Variants in ONECUT2 observed in about 807,000 individuals in gnomAD.
ONECUT2 encodes the protein one cut homeobox 2, also known as one cut domain family member 2.
Under a neutral mutation model 27.9 loss-of-function variants are expected in ONECUT2, and 10 were observed. That is an observed-to-expected ratio of 0.36 (90% CI 0.22 to 0.61). ONECUT2 has a LOEUF of 0.61. Ranked by LOEUF, ONECUT2 falls within the 20% of genes least tolerant of loss-of-function variation. The pLI, the probability that ONECUT2 is intolerant of heterozygous loss-of-function variation, is 0.73. For missense variants in ONECUT2, 686 were observed against 721.0 expected (o/e 0.95, Z 0.56); for synonymous variants, 334 against 315.1 (o/e 1.06, Z -0.64).
intron 1 of ONECUT2, among the ~76,000 whole-genome samples, chr18:57,444,776 A>G (rs1254993827): frequency 3.3e-5 from 5 of 152,234 alleles, no homozygotes; most frequent in Admixed American, 3.3e-4. Context: ...ACCCTCGTTC[A>G]ATAGATTTAC....
chr18:57,462,321 CAT>C (rs1381134562), intron 1 of ONECUT2, among the ~76,000 whole-genome samples: 2 of 152,238 alleles, frequency 1.3e-5, no homozygotes, highest in Non-Finnish European at 2.9e-5. Flanking sequence ...CTGTGGCAGA[CAT>C]ATGTGTTTAA....
chr18:57,457,866 G>T lies in ONECUT2; in HGVS notation c.1229-18571G>T, dbSNP rs149197790. Among the ~76,000 whole-genome samples, 173 of 152,222 alleles carry T rather than the reference G, an allele frequency of 1.1e-3. 2 individuals carry two copies. Among genetic ancestry groups the T allele is most frequent in the African/African-American group, 4.0e-3 (167 of 41,532 alleles). ...AAACCATCATTCTCAGCCAACTATC[G>T]CAAGGACAGAAAAGCAAACGCTGCA... On this transcript the variant is annotated intron_variant, in intron 1 of 1. Coordinates refer to ENST00000491143, the MANE Select transcript of ONECUT2 (RefSeq NM_004852.3).
intron 1 of ONECUT2, among the ~76,000 whole-genome samples, 156 bp from the exon 2 acceptor site, chr18:57,476,281 G>A (rs1477435564): frequency 2.0e-5 from 3 of 152,166 alleles, no homozygotes; most frequent in African/African-American, 2.4e-5. Context: ...TCCATCACCC[G>A]GAGATTACAG....
chr18:57,439,500 GTTA>G (rs1407746338), intron 1 of ONECUT2, among the ~76,000 whole-genome samples: 1 of 152,252 alleles, frequency 6.6e-6, no homozygotes, highest in African/African-American at 2.4e-5. Context: ...GTGTTGAGTG[GTTA>G]TTATTACATA....
intron 1 of ONECUT2, among the ~76,000 whole-genome samples, chr18:57,465,226 G>A (rs970213552): frequency 6.6e-6 from 1 of 152,168 alleles, no homozygotes; most frequent in African/African-American, 2.4e-5. Context: ...GCAGTGGCAT[G>A]ATTGTGGCTC....
At position 57,435,622 on chromosome 18, in the gene ONECUT2, GC is replaced by G. The variant is rs1393820227; in HGVS notation, c.-90del. On this transcript the variant is annotated 5_prime_UTR_variant, in exon 1 of 2. Transcript: ENST00000491143. Reference sequence around the variant, plus strand: ...CTCCTCTCCACTCACTCCCGCGCCCGCCCCCACTCCCGCAGCCGAGCCCCGC... The same window carrying G: ...CTCCTCTCCACTCACTCCCGCGCCCGCCCCACTCCCGCAGCCGAGCCCCGC... 5 of 947,956 alleles carry G rather than the reference GC, an allele frequency of 5.3e-6. No individual in the cohort carries two copies. Among genetic ancestry groups the G allele is most frequent in the Non-Finnish European group, 6.2e-6 (5 of 801,102 alleles). The allele number at this position is 947,956 out of a possible 1,614,324, so 58.7% of individuals were successfully genotyped here.
intron 1 of ONECUT2, among the ~76,000 whole-genome samples, chr18:57,465,618 G>A (rs2050317226): frequency 6.6e-6 from 1 of 152,056 alleles, no homozygotes; most frequent in Non-Finnish European, 1.5e-5. Context: ...TAAGTTTCTG[G>A]AAGATATTAT....
rs760820095 is a variant in ONECUT2 at position 57,436,370 on chromosome 18, C to T, written c.654C>T (p.Pro218=). ...NNLYSPYKEM[P]GMSQSLSPLA... is the part of the protein sequence containing the mutation. ...TCTACAGTCCCTACAAGGAGATGCC[C>T]GGCATGAGCCAGAGCCTGTCCCCGC... is the stretch of plus-strand genomic sequence containing the variant. The change falls in exon 1 of 2, where the codon CCC becomes CCT. Residue 218 remains proline, a synonymous_variant. Coordinates refer to ENST00000491143, the MANE Select transcript of ONECUT2 (RefSeq NM_004852.3). The surrounding 1 kb of genome is among the most constrained non-coding windows in gnomAD (Gnocchi z 5.9). 6.2e-6 allele frequency: 10 copies of T among 1,607,762 alleles called. No individual in the cohort carries two copies. Among genetic ancestry groups the T allele is most frequent in the East Asian group, 2.2e-5 (1 of 44,840 alleles).
intron 1 of ONECUT2, 95 bp downstream of exon 1, chr18:57,437,039 G>T: frequency 8.2e-6 from 12 of 1,466,666 alleles, no homozygotes; most frequent in Non-Finnish European, 1.1e-5. Flanking sequence ...CACTTCTCTT[G>T]ATTCTTTCCT....
rs561782121 is a variant in ONECUT2, at chr18:57,470,266, G to T, written c.1229-6171G>T. On this transcript the variant is annotated intron_variant, in intron 1 of 1. Coordinates refer to ENST00000491143, the MANE Select transcript of ONECUT2 (RefSeq NM_004852.3). ...GTTGAGTGGGGAGTTCCAGTTCTGG[G>T]GCAGCGAGGACTGGAAGATTCTGAC... is the stretch of plus-strand genomic sequence containing the variant. 7.6e-4 allele frequency among the ~76,000 whole-genome samples: 116 copies of T among 152,218 alleles called. 1 individual carries two copies. The highest frequency in any genetic ancestry group is 2.6e-3 in the African/African-American group (110 of 41,542).
intron 1 of ONECUT2, among the ~76,000 whole-genome samples, chr18:57,451,474 G>A (rs1319775562): frequency 2.0e-5 from 3 of 152,190 alleles, no homozygotes; most frequent in African/African-American, 7.2e-5. Flanking sequence ...AGGCCACCCT[G>A]TTCTCTGGCT....
intron 1 of ONECUT2, among the ~76,000 whole-genome samples, chr18:57,444,186 G>A (rs1207226633): frequency 6.6e-6 from 1 of 152,196 alleles, no homozygotes; most frequent in Admixed American, 6.5e-5. Context: ...CATTCCTAGA[G>A]CATAAATACT....
chr18:57,473,219 C>T (rs1030797809), intron 1 of ONECUT2, among the ~76,000 whole-genome samples: 11 of 152,184 alleles, frequency 7.2e-5, no homozygotes, highest in Admixed American at 7.2e-4. Flanking sequence ...GGTATGGGTG[C>T]CATTCCCTAC....
intron 1 of ONECUT2, among the ~76,000 whole-genome samples, chr18:57,441,674 A>G (rs1056846925): frequency 6.6e-6 from 1 of 152,252 alleles, no homozygotes; most frequent in African/African-American, 2.4e-5. Flanking sequence ...CTGGTGACTA[A>G]GCCCAAGTTT....
chr18:57,470,809 G>A (rs764391431), intron 1 of ONECUT2, among the ~76,000 whole-genome samples: 1 of 151,438 alleles, frequency 6.6e-6, no homozygotes. Context: ...ACACACAACC[G>A]AGGTCAGTCT....
In ONECUT2 at chr18:57,483,130, AAAAGAAAAAAC is replaced by A. The variant is rs1468047821; in HGVS notation, c.*6417_*6427del. ...GAAAAAGGACAAAAAGAAAAAAAAA[AAAAGAAAAAAC>A]AAAGAAAAAGAAGAAAAAATAATAA... On this transcript the variant is annotated 3_prime_UTR_variant, in exon 2 of 2. Transcript: ENST00000491143. 2 of 152,246 alleles carry A rather than the reference AAAAGAAAAAAC, an allele frequency of 1.3e-5. No individual in the cohort carries two copies. The highest frequency in any genetic ancestry group is 2.4e-5 in the African/African-American group (1 of 41,364). 9.4% of individuals were successfully genotyped at this position (152,246 alleles called of 1,614,324 possible). A position where few individuals can be genotyped will look rare whatever the true frequency, so the allele number is the denominator to read the frequency against.
At chr18:57,439,651 G>T (rs543474393) in intron 1 of ONECUT2, among the ~76,000 whole-genome samples, 1 of 152,156 alleles carries the variant, frequency 6.6e-6, no homozygotes. Context: ...GGCTTTCTCC[G>T]CCCGGAGTAT....
At chr18:57,465,150 T>C (rs1163297634) in intron 1 of ONECUT2, among the ~76,000 whole-genome samples, 1 of 150,694 alleles carries the variant, frequency 6.6e-6, no homozygotes, top group Non-Finnish European at 1.5e-5. Context: ...TCCTCTTTTT[T>C]TGCGGGGGGC....
At position 57,481,867 on chromosome 18, in the gene ONECUT2, A is replaced by G. The variant is rs1406070387; in HGVS notation, c.*5144A>G. ...ACAACTACCTTGGCGATAATCTTCT[A>G]GATTCGTAACAGGTTAGAGCTGACT... is the stretch of plus-strand genomic sequence containing the variant. On this transcript the variant is annotated 3_prime_UTR_variant, in exon 2 of 2. Coordinates refer to ENST00000491143, the MANE Select transcript of ONECUT2 (RefSeq NM_004852.3). 1 of 152,232 alleles carries G rather than the reference A, an allele frequency of 6.6e-6. No homozygotes were observed. Among genetic ancestry groups the G allele is most frequent in the Non-Finnish European group, 1.5e-5 (1 of 68,034 alleles). 9.4% of individuals were successfully genotyped at this position (152,232 alleles called of 1,614,324 possible). A position where few individuals can be genotyped will look rare whatever the true frequency, so the allele number is the denominator to read the frequency against.
Sources: gnomAD v4.1 joint callset for allele counts (sites outside exome capture counted in the v4.1 genomes callset) on GRCh38, gnomAD v4.1.1 for gene constraint, Gnocchi (gnomAD v3.1) non-coding constraint, MANE v1.5 for transcripts, NCBI Gene and HGNC (gene_info 2026-07-23, HGNC 2026-07-21) for gene names.